The following CLEC2A variants were observed in gnomAD, a reference collection of about 807,000 sequenced individuals.
The protein encoded by CLEC2A is C-type lectin domain family 2 member A.
CLEC2A carries 19 observed loss-of-function variants against 18.6 expected under a neutral mutation model. The observed-to-expected ratio is 1.02, with a 90% CI of 0.71 to 1.50. The LOEUF (loss-of-function observed/expected upper bound fraction) is 1.50, where lower values mean the gene tolerates loss of function less well. Ranked by LOEUF, CLEC2A falls within the 40% of genes most tolerant of loss-of-function variation. CLEC2A has a pLI of 0.00. For missense variants in CLEC2A, 190 were observed against 207.9 expected, an observed-to-expected ratio of 0.91 and a Z score of 0.53; for synonymous variants, 74 against 64.0, an observed-to-expected ratio of 1.16 and a Z score of -0.75.
At chr12:9,885,211 A>G in the CLEC2A span, among the ~76,000 whole-genome samples, 68 of 151,872 alleles carry the variant, frequency 4.5e-4, 2 homozygotes, top group East Asian at 0.01. Flanking sequence ...TTTATTCTGC[A>G]TCTTTTCTTA....
At chr12:9,880,709 T>A in the CLEC2A span, among the ~76,000 whole-genome samples, 3 of 152,180 alleles carry the variant, frequency 2.0e-5, no homozygotes, top group Non-Finnish European at 4.4e-5. Flanking sequence ...GCAGATAGTC[T>A]GAAGGCCATT....
At chr12:9,891,840 G>C in the CLEC2A span, among the ~76,000 whole-genome samples, 2 of 152,052 alleles carry the variant, frequency 1.3e-5, no homozygotes, top group Non-Finnish European at 2.9e-5. Context: ...TGGACATATA[G>C]TTTAATTTCT....
intron 3 of CLEC2A, among the ~76,000 whole-genome samples, chr12:9,919,616 G>A (rs1863131413): frequency 6.6e-6 from 1 of 152,216 alleles, no homozygotes. Flanking sequence ...GGGGCTGGAG[G>A]CCCAGGCCTG....
chr12:9,903,331 G>A lies in CLEC2A; in HGVS notation c.411-4355C>T, dbSNP rs141563494. Among the ~76,000 whole-genome samples, 311 of 152,052 alleles carry A rather than the reference G, an allele frequency of 2.0e-3. 3 individuals carry two copies. The highest frequency in any genetic ancestry group is 6.9e-3 in the African/African-American group (285 of 41,478). ...TCTATAAGCCTTTGTACTAGGCCTC[G>A]GGCACAGAATACAATATAATATCCT... On this transcript the variant is annotated intron_variant, in intron 4 of 4. Coordinates refer to the CLEC2A transcript ENST00000339766.
chr12:9,932,315 C>T lies in CLEC2A; in HGVS notation c.15G>A (p.Glu5=). MINP[E]LRDGRADGFI... ...AGCCATCAGCTCTGCCATCCCGCAGCTCTGGATTAATCATGGCAAGGCGCT... is the reference window on the plus strand; with the variant it reads ...AGCCATCAGCTCTGCCATCCCGCAGTTCTGGATTAATCATGGCAAGGCGCT... Residue 5 remains glutamate, a synonymous_variant, in exon 1 of 5, where the codon GAG becomes GAA. Transcript: ENST00000455827. 6.4e-7 allele frequency: 1 copy of T among 1,552,006 alleles called. No individual in the cohort carries two copies. Among genetic ancestry groups the T allele is most frequent in the Middle Eastern group, 1.7e-4 (1 of 5,996 alleles).
At chr12:9,902,211 C>T (rs905580800) in intron 4 of CLEC2A, among the ~76,000 whole-genome samples, 1 of 149,414 alleles carries the variant, frequency 6.7e-6, no homozygotes, top group Non-Finnish European at 1.5e-5. Flanking sequence ...TAATTGAGTG[C>T]TAAGTGTAGC....
chr12:9,883,543 C>T, the CLEC2A span, among the ~76,000 whole-genome samples: 1 of 152,148 alleles, frequency 6.6e-6, no homozygotes, highest in Non-Finnish European at 1.5e-5. Context: ...AGTCTCCCTC[C>T]CTGGCATGTA....
downstream of CLEC2A, among the ~76,000 whole-genome samples, chr12:9,910,726 TA>T (rs1371570712): frequency 1.7e-4 from 22 of 126,572 alleles, 1 homozygote; most frequent in African/African-American, 8.0e-4. Context: ...GTTGCCGTGG[TA>T]GGTAGGTAAG....
chr12:9,902,329 G>A (rs539804762), intron 4 of CLEC2A, among the ~76,000 whole-genome samples: 6 of 151,472 alleles, frequency 4.0e-5, no homozygotes, highest in African/African-American at 1.2e-4. Context: ...TGCCTCCTGG[G>A]TTCAAGCAAT....
chr12:9,928,715 C>T (rs1443117585), intron 1 of CLEC2A, among the ~76,000 whole-genome samples: 1 of 152,114 alleles, frequency 6.6e-6, no homozygotes, highest in African/African-American at 2.4e-5. Flanking sequence ...CAGAAGAATA[C>T]ACGCAAGTGA....
chr12:9,890,965 GA>G, the CLEC2A span, among the ~76,000 whole-genome samples: 1 of 151,346 alleles, frequency 6.6e-6, no homozygotes, highest in Admixed American at 6.6e-5. Flanking sequence ...TGATTTCTTA[GA>G]ATTATAATCA....
At chr12:9,927,583 T>G (rs1182488372) in intron 1 of CLEC2A, among the ~76,000 whole-genome samples, 1 of 152,050 alleles carries the variant, frequency 6.6e-6, no homozygotes, top group African/African-American at 2.4e-5. Context: ...AAAGAAAAAT[T>G]TAAAAAGAAG....
At chr12:9,905,769 C>T (rs1862898347) in intron 4 of CLEC2A, among the ~76,000 whole-genome samples, 1 of 152,174 alleles carries the variant, frequency 6.6e-6, no homozygotes, top group South Asian at 2.1e-4. Context: ...GTCCCATTAT[C>T]TGACTCAACA....
At chr12:9,892,288 G>T in the CLEC2A span, among the ~76,000 whole-genome samples, 1 of 152,174 alleles carries the variant, frequency 6.6e-6, no homozygotes, top group African/African-American at 2.4e-5. Flanking sequence ...AAGCACAGGA[G>T]AATAAGTACC....
At chr12:9,898,050 G>A (rs1031927138), downstream of CLEC2A, among the ~76,000 whole-genome samples, 1 of 152,208 alleles carries the variant, frequency 6.6e-6, no homozygotes, top group African/African-American at 2.4e-5. Flanking sequence ...AGCATAAAAT[G>A]AGTATTTGAA....
intron 1 of CLEC2A, 52 bp downstream of exon 1, chr12:9,932,223 A>T (rs1166748544): frequency 1.1e-5 from 14 of 1,299,768 alleles, no homozygotes; most frequent in Non-Finnish European, 1.5e-5. Context: ...GCTGTCCTGT[A>T]TTTTGTTTTA....
the CLEC2A span, among the ~76,000 whole-genome samples, chr12:9,886,139 G>T: frequency 6.6e-6 from 1 of 152,084 alleles, no homozygotes; most frequent in Admixed American, 6.5e-5. Flanking sequence ...TTGACATGTT[G>T]ATGAATTACT....
the CLEC2A span, among the ~76,000 whole-genome samples, chr12:9,883,895 G>A: frequency 3.5e-4 from 54 of 152,242 alleles, no homozygotes; most frequent in African/African-American, 1.3e-3. Flanking sequence ...TGACTTAGAA[G>A]ACAAATTATT....
the CLEC2A span, among the ~76,000 whole-genome samples, chr12:9,878,080 T>G: frequency 6.6e-6 from 1 of 151,846 alleles, no homozygotes; most frequent in African/African-American, 2.4e-5. Flanking sequence ...TGATGACACC[T>G]CTACATCCAG....
Sources: allele counts gnomAD v4.1 joint callset (sites outside exome capture counted in the v4.1 genomes callset), GRCh38; gene constraint gnomAD v4.1.1; transcripts MANE v1.5; gene names NCBI Gene and HGNC (gene_info 2026-07-23, HGNC 2026-07-21).